INVS: variants seen among roughly 807,000 people sequenced by gnomAD.
The protein encoded by INVS is inversion of embryo turning homolog.
A neutral mutation model predicts 108.8 loss-of-function variants in INVS; 86 were observed. That is an observed-to-expected ratio of 0.79 (90% CI 0.66 to 0.95). The LOEUF (loss-of-function observed/expected upper bound fraction) is 0.95, where lower values mean the gene tolerates loss of function less well. INVS is among the 40% of genes least tolerant of loss of function. INVS has a pLI of 0.00. For missense variants in INVS, 1,169 were observed against 1,297.4 expected (o/e 0.90, Z 1.52); for synonymous variants, 455 against 473.5 (o/e 0.96, Z 0.51).
Position 100,100,880 on chromosome 9 carries a change from T to C in INVS, c.-25+1464T>C, listed in dbSNP as rs189946743. Among the ~76,000 whole-genome samples the C allele has an allele frequency of 3.1e-3, 63 of 20,304 alleles. 3 individuals carry two copies. Among genetic ancestry groups the C allele is most frequent in the African/African-American group, 6.8e-3 (23 of 3,406 alleles). The allele number at this position is 20,304 out of a possible 152,430, so 13.3% of individuals were successfully genotyped here. A position where few individuals can be genotyped will look rare whatever the true frequency, so the allele number is the denominator to read the frequency against. On this transcript the variant is annotated intron_variant, in intron 1 of 16. Transcript: ENST00000262457. ...ATATATAATATATATATTATATATG[T>C]ATATATAATATATATTATATATGTA...
At chr9:100,168,820 C>A (rs938453518) in intron 3 of INVS, among the ~76,000 whole-genome samples, 2 of 152,146 alleles carry the variant, frequency 1.3e-5, no homozygotes, top group African/African-American at 4.8e-5. Context: ...GATAATAAAT[C>A]TATGGAACTT....
At chr9:100,200,817 C>T (rs1830511566) in intron 3 of INVS, among the ~76,000 whole-genome samples, 1 of 152,078 alleles carries the variant, frequency 6.6e-6, no homozygotes, top group Non-Finnish European at 1.5e-5. Flanking sequence ...GGCTCTTTTA[C>T]CCATCTCTTT....
intron 3 of INVS, among the ~76,000 whole-genome samples, chr9:100,194,179 C>T (rs1434510263): frequency 1.3e-5 from 2 of 152,160 alleles, no homozygotes; most frequent in African/African-American, 2.4e-5. Context: ...TTTACTTTCC[C>T]ACTGATAGTG....
rs1239814704 is a variant in INVS at position 100,229,799 on chromosome 9, G to T, written c.587G>T (p.Ser196Ile). 6.2e-7 allele frequency: 1 copy of T among 1,614,028 alleles called. No individual in the cohort carries two copies. Among genetic ancestry groups the T allele is most frequent in the African/African-American group, 1.3e-5 (1 of 74,914 alleles). Residue 196 changes from serine (S) to isoleucine (I), a missense_variant, in exon 5 of 17, where the codon AGT becomes ATT. Transcript: ENST00000262457. The stretch of plus-strand genomic sequence containing the variant: ...TGGGCAGCCAACCATAAAGATCCAA[G>T]TGCTGTTCACACAGTGAGATGCATT... ...LHWAANHKDP[S>I]AVHTVRCILD...
At chr9:100,153,200 A>G (rs562164340) in intron 3 of INVS, among the ~76,000 whole-genome samples, 36 of 152,206 alleles carry the variant, frequency 2.4e-4, no homozygotes, top group African/African-American at 7.7e-4. Context: ...AAAAAGACTA[A>G]TAAATATGGC....
At chr9:100,231,110 T>C (rs544170950) in intron 5 of INVS, among the ~76,000 whole-genome samples, 21 of 152,356 alleles carry the variant, frequency 1.4e-4, no homozygotes, top group African/African-American at 5.0e-4. Flanking sequence ...TATTTATCAG[T>C]AGATTCTTTG....
rs116306138 is a variant in INVS at position 100,293,885 on chromosome 9, G to A, written c.2786+842G>A. ...CATCACCAATAGGTGGGAGTTGGCCGGGCAGAGTGGCTTACACCTGTAACC... is the reference window on the plus strand; with the variant it reads ...CATCACCAATAGGTGGGAGTTGGCCAGGCAGAGTGGCTTACACCTGTAACC... On this transcript the variant is annotated intron_variant, in intron 14 of 16. Coordinates refer to ENST00000262457, the MANE Select transcript of INVS (RefSeq NM_014425.5). Among the ~76,000 whole-genome samples the A allele has an allele frequency of 4.4e-3, 677 of 152,292 alleles. 7 individuals are homozygous for A. The highest frequency in any genetic ancestry group is 0.015 in the African/African-American group (625 of 41,556).
chr9:100,122,719 G>A (rs1006884309), intron 2 of INVS, among the ~76,000 whole-genome samples: 7 of 151,388 alleles, frequency 4.6e-5, no homozygotes, highest in African/African-American at 1.7e-4. Context: ...AGGTGGCTGG[G>A]ACTACAGGCA....
intron 3 of INVS, among the ~76,000 whole-genome samples, chr9:100,157,493 C>G (rs1002126656): frequency 6.6e-6 from 1 of 151,934 alleles, no homozygotes; most frequent in Non-Finnish European, 1.5e-5. Context: ...GTCTCGATCT[C>G]CTGGCCTCGT....
intron 11 of INVS, among the ~76,000 whole-genome samples, chr9:100,265,565 C>T (rs182992406): frequency 1.3e-5 from 2 of 152,128 alleles, no homozygotes; most frequent in African/African-American, 4.8e-5. Context: ...CCCAGGAGTA[C>T]ATTTAGGCCA....
intron 16 of INVS, among the ~76,000 whole-genome samples, chr9:100,298,636 C>T (rs7029342): frequency 0.13 from 20,132 of 152,260 alleles, 1,393 homozygotes; most frequent in Non-Finnish European, 0.15. Context: ...TCGATCCACA[C>T]AGTCATCCTG....
At chr9:100,194,962 A>G (rs1265894192) in intron 3 of INVS, among the ~76,000 whole-genome samples, 2 of 152,104 alleles carry the variant, frequency 1.3e-5, no homozygotes, top group Non-Finnish European at 2.9e-5. Flanking sequence ...GGAATGTGAG[A>G]CCCACTGAGT....
intron 12 of INVS, among the ~76,000 whole-genome samples, chr9:100,278,956 G>A (rs190425640): frequency 3.3e-5 from 5 of 152,300 alleles, no homozygotes; most frequent in South Asian, 2.1e-4. Flanking sequence ...GTCCATACTT[G>A]AACATGAAAC....
At chr9:100,217,540 A>G (rs1428398805) in intron 3 of INVS, among the ~76,000 whole-genome samples, 2 of 152,116 alleles carry the variant, frequency 1.3e-5, no homozygotes, top group Admixed American at 6.5e-5. Context: ...CCTCCCCTCC[A>G]AGGATTATGG....
At chr9:100,183,748 G>A (rs1200089441) in intron 3 of INVS, among the ~76,000 whole-genome samples, 8 of 137,788 alleles carry the variant, frequency 5.8e-5, no homozygotes, top group Admixed American at 2.4e-4. Context: ...CCGAGATCGC[G>A]CCACTGTACT....
In INVS at chr9:100,126,383, G is replaced by GA; in HGVS notation, c.110dup (p.Asn37LysfsTer5). The GA allele has an allele frequency of 1.2e-6, 2 of 1,611,240 alleles. No individual in the cohort carries two copies. Among genetic ancestry groups the GA allele is most frequent in the Non-Finnish European group, 1.7e-6 (2 of 1,177,432 alleles). On this transcript the variant is annotated frameshift_variant and splice_region_variant, in exon 3 of 17. Transcript: ENST00000262457. LOFTEE classifies it high-confidence loss of function. The stretch of plus-strand genomic sequence containing the variant: ...CACTATCTGTTTCTTATCCTTATAG[G>GA]AAACTCTGCTCTTAAAGACAAAGAA...
chr9:100,218,120 T>TTGTGACAGAGTAC (rs1246471260), intron 3 of INVS, among the ~76,000 whole-genome samples: 1 of 152,176 alleles, frequency 6.6e-6, no homozygotes, highest in Non-Finnish European at 1.5e-5. Flanking sequence ...GTACCTACTT[T>TTGTGACAGAGTAC]ACATTTGTGT....
intron 7 of INVS, 126 bp downstream of exon 7, chr9:100,242,805 C>CGA: frequency 1.6e-6 from 1 of 638,836 alleles, no homozygotes; most frequent in Admixed American, 2.6e-5. Flanking sequence ...CTAGTTCACT[C>CGA]TGTTTTTATT....
intron 3 of INVS, among the ~76,000 whole-genome samples, chr9:100,185,783 T>G (rs1361748189): frequency 6.6e-6 from 1 of 152,090 alleles, no homozygotes; most frequent in Non-Finnish European, 1.5e-5. Flanking sequence ...AGCTTCCACT[T>G]ATAAGTGAGA....
Sources: gnomAD v4.1 joint callset for allele counts (sites outside exome capture counted in the v4.1 genomes callset) on GRCh38, gnomAD v4.1.1 for gene constraint, MANE v1.5 for transcripts, NCBI Gene and HGNC (gene_info 2026-07-23, HGNC 2026-07-21) for gene names.